The following SHANK2 variants were observed in gnomAD, a reference collection of about 807,000 sequenced individuals.
SHANK2 encodes the protein SH3 and multiple ankyrin repeat domains protein 2.
Under a neutral mutation model 133.7 loss-of-function variants are expected in SHANK2, and 43 were observed. The observed-to-expected ratio is 0.32, with a 90% CI of 0.25 to 0.41. SHANK2 has a LOEUF of 0.41. SHANK2 is among the 10% of genes least tolerant of loss of function. The pLI is 1.00. For missense variants in SHANK2, 1,994 were observed against 2,235.8 expected (o/e 0.89, Z 2.18); for synonymous variants, 1,017 against 952.8 (o/e 1.07, Z -1.24).
intron 15 of SHANK2, among the ~76,000 whole-genome samples, chr11:70,666,351 C>T (rs139776711): frequency 3.2e-4 from 48 of 152,286 alleles, no homozygotes; most frequent in African/African-American, 9.4e-4. Context: ...GTCTGAAAGG[C>T]GGAACTTGGC....
intron 17 of SHANK2, among the ~76,000 whole-genome samples, chr11:70,597,928 C>A (rs965068977): frequency 6.6e-6 from 1 of 152,218 alleles, no homozygotes; most frequent in Non-Finnish European, 1.5e-5. Flanking sequence ...CCCCTTCAGA[C>A]CCCACCTGAG....
chr11:70,637,332 C>T lies in SHANK2; in HGVS notation c.2061+22496G>A, dbSNP rs184221900. On this transcript the variant is annotated intron_variant, in intron 17 of 25. Coordinates refer to ENST00000601538, the MANE Select transcript of SHANK2 (RefSeq NM_012309.5). Reference sequence around the variant, plus strand: ...AAAAGGCCCAGGCTGGTGCTGAGTACGGACTCAGTGTGTGGCCCGCACACA... The same window carrying T: ...AAAAGGCCCAGGCTGGTGCTGAGTATGGACTCAGTGTGTGGCCCGCACACA... 2.6e-5 allele frequency among the ~76,000 whole-genome samples: 4 copies of T among 152,248 alleles called. No homozygotes were observed. In the East Asian group the frequency reaches 5.8e-4, roughly 22 times the overall value.
intron 17 of SHANK2, among the ~76,000 whole-genome samples, chr11:70,574,593 G>A (rs12146599): frequency 0.19 from 29,435 of 152,128 alleles, 3,517 homozygotes; most frequent in South Asian, 0.3. Context: ...CCATGGGGGT[G>A]GCGTGCCCTG....
At chr11:70,890,093 A>G (rs1949816276) in intron 11 of SHANK2, among the ~76,000 whole-genome samples, 1 of 152,162 alleles carries the variant, frequency 6.6e-6, no homozygotes, top group African/African-American at 2.4e-5. Context: ...GGGGGGTAGA[A>G]GGGGACAGAG....
chr11:70,761,826 C>T (rs1484237048), intron 14 of SHANK2, among the ~76,000 whole-genome samples: 2 of 152,244 alleles, frequency 1.3e-5, no homozygotes, highest in Admixed American at 6.5e-5. Flanking sequence ...TGCAGATACC[C>T]CCAAACCTGA....
chr11:70,623,130 C>T lies in SHANK2; in HGVS notation c.2061+36698G>A, dbSNP rs368772873. On this transcript the variant is annotated intron_variant, in intron 17 of 25. Coordinates refer to ENST00000601538, the MANE Select transcript of SHANK2 (RefSeq NM_012309.5). ...GGCGGAGTTTGCAGTGAGCCAAGAT[C>T]GCGCCACTGCACTCCAGCCTGAGTG... 2.4e-4 allele frequency among the ~76,000 whole-genome samples: 37 copies of T among 152,092 alleles called. No individual in the cohort carries two copies. In the East Asian group the frequency reaches 5.6e-3, roughly 23 times the overall value.
intron 2 of SHANK2, among the ~76,000 whole-genome samples, chr11:71,218,092 CGCCTCCTTACCTTGTGATTA>C (rs1309575426): frequency 5.3e-5 from 8 of 151,942 alleles, no homozygotes; most frequent in East Asian, 3.9e-4. Context: ...CCTTGTGATT[CGCCTCCTTACCTTGTGATTA>C]GCCTTCCAAA....
intron 11 of SHANK2, among the ~76,000 whole-genome samples, chr11:70,841,642 G>A (rs951913679): frequency 1.3e-5 from 2 of 152,186 alleles, no homozygotes; most frequent in South Asian, 2.1e-4. Context: ...GATCACTGTT[G>A]GAAGGTCCGG....
chr11:70,556,596 T>TC (rs1435800611), intron 17 of SHANK2, among the ~76,000 whole-genome samples: 4 of 150,754 alleles, frequency 2.7e-5, no homozygotes, highest in Admixed American at 6.6e-5. Flanking sequence ...TTTTCTTTTT[T>TC]TTTTTTTTTT....
chr11:70,701,859 A>T lies in SHANK2; in HGVS notation c.1778-3096T>A, dbSNP rs1945528607. Among the ~76,000 whole-genome samples, 3 of 152,008 alleles carry T rather than the reference A, an allele frequency of 2.0e-5. No homozygotes were observed. In the South Asian group the frequency reaches 6.2e-4, roughly 32 times the overall value. ...CAGGAAAGGGACCCTAAGGGACAAG[A>T]TCATTATCACCATCACCACTCCCAT... On this transcript the variant is annotated intron_variant, in intron 14 of 25. Transcript: ENST00000601538.
chr11:70,774,686 T>C (rs1163669878), intron 14 of SHANK2, among the ~76,000 whole-genome samples: 1 of 152,198 alleles, frequency 6.6e-6, no homozygotes, highest in Non-Finnish European at 1.5e-5. Flanking sequence ...AGAGTGGTGA[T>C]GTTTGCACAA....
chr11:70,580,310 A>G (rs941928366), intron 17 of SHANK2, among the ~76,000 whole-genome samples: 3 of 152,204 alleles, frequency 2.0e-5, no homozygotes, highest in Admixed American at 6.5e-5. Flanking sequence ...AGACCCTGTA[A>G]TGAGCCACAA....
chr11:71,069,580 T>C (rs1951116660), intron 9 of SHANK2, among the ~76,000 whole-genome samples: 1 of 152,228 alleles, frequency 6.6e-6, no homozygotes, highest in African/African-American at 2.4e-5. Flanking sequence ...GAATACCATA[T>C]TACCATATAT....
At chr11:71,085,796 TACAACATA>T in intron 8 of SHANK2, among the ~76,000 whole-genome samples, 1 of 67,678 alleles carries the variant, frequency 1.5e-5, no homozygotes, top group Non-Finnish European at 2.4e-5. Context: ...TAATATATGA[TACAACATA>T]ATATATTATG....
At chr11:71,091,283 C>T (rs550359450) in intron 8 of SHANK2, among the ~76,000 whole-genome samples, 1 of 152,080 alleles carries the variant, frequency 6.6e-6, no homozygotes, top group African/African-American at 2.4e-5. Context: ...TCGGGAGGAA[C>T]AGGGGCTTCT....
chr11:70,671,273 G>A (rs528598428), intron 15 of SHANK2, among the ~76,000 whole-genome samples: 91 of 152,150 alleles, frequency 6.0e-4, no homozygotes, highest in African/African-American at 1.5e-3. Context: ...CGGAAACGTC[G>A]TCTAGGAGGG....
At chr11:70,896,078 G>A (rs868930506) in intron 11 of SHANK2, among the ~76,000 whole-genome samples, 9 of 152,096 alleles carry the variant, frequency 5.9e-5, no homozygotes, top group South Asian at 4.1e-4. Context: ...AATGCGTAAC[G>A]ACATGTATCA....
chr11:70,783,735 A>G (rs1947567440), intron 14 of SHANK2, among the ~76,000 whole-genome samples: 1 of 152,176 alleles, frequency 6.6e-6, no homozygotes, highest in Non-Finnish European at 1.5e-5. Context: ...GGTTTGTTTT[A>G]TAACTGCCCA....
In SHANK2 at chr11:70,486,670, C is replaced by T. The variant is rs782289834; in HGVS notation, c.3623G>A (p.Arg1208Gln). ...CAGCGGGGAGCTGGGATCAAGCAGC[C>T]GCCCTGTGAGTGGGTGGACATAATT... ...PGNYVHPLTG[R>Q]LLDPSSPLAL... Residue 1208 changes from arginine to glutamine, a missense_variant, in exon 25 of 26, where the codon CGG (arginine) becomes CAG (glutamine). By Grantham distance (43) the Arg-to-Gln change is conservative. Around this residue, in one of 5 missense-constraint regions of SHANK2, gnomAD observed 797 missense variants for 907.4 expected, o/e 0.88. Coordinates refer to ENST00000601538, the MANE Select transcript of SHANK2 (RefSeq NM_012309.5). This position sits in a 1 kb window ranked among gnomAD's most constrained non-coding sequence, Gnocchi z 8.0. The T allele has an allele frequency of 1.9e-6, 3 of 1,611,814 alleles. No individual in the cohort carries two copies. The highest frequency in any genetic ancestry group is 1.1e-5 in the South Asian group (1 of 91,082).
Sources: gnomAD v4.1 joint callset for allele counts (sites outside exome capture counted in the v4.1 genomes callset) on GRCh38, gnomAD v4.1.1 for gene constraint, gnomAD v4.1.1 regional missense constraint, Gnocchi (gnomAD v3.1) non-coding constraint, MANE v1.5 for transcripts, NCBI Gene and HGNC (gene_info 2026-07-23, HGNC 2026-07-21) for gene names.